The following XKR9 variants were observed in gnomAD, a reference collection of about 807,000 sequenced individuals.
The protein encoded by XKR9 is XK-related protein 9.
In XKR9, 32 loss-of-function variants were observed where a neutral mutation model predicts 32.0. The ratio of observed to expected loss-of-function variants is 1.00; its 90% CI spans 0.76 to 1.34. The LOEUF (loss-of-function observed/expected upper bound fraction) is 1.34, where lower values mean the gene tolerates loss of function less well. Ranked by LOEUF, XKR9 falls within the 40% of genes most tolerant of loss-of-function variation. The pLI is 0.00. For missense variants in XKR9, 546 were observed against 429.7 expected, an observed-to-expected ratio of 1.27 and a Z score of -2.39; for synonymous variants, 168 against 143.4, an observed-to-expected ratio of 1.17 and a Z score of -1.22.
chr8:70,916,503 T>C, the XKR9 span, among the ~76,000 whole-genome samples: 1 of 152,226 alleles, frequency 6.6e-6, no homozygotes, highest in Non-Finnish European at 1.5e-5. Flanking sequence ...CCTGGGAATA[T>C]TGGGTGTTCT....
chr8:71,003,807 T>C, the XKR9 span, among the ~76,000 whole-genome samples: 2 of 152,212 alleles, frequency 1.3e-5, no homozygotes, highest in Non-Finnish European at 2.9e-5. Context: ...GTGATTGATA[T>C]CTACTGGTTC....
the XKR9 span, among the ~76,000 whole-genome samples, chr8:70,825,940 C>T: frequency 2.0e-5 from 3 of 151,988 alleles, no homozygotes; most frequent in Non-Finnish European, 4.4e-5. Flanking sequence ...CAGAATGGTC[C>T]AATTTCCTCT....
At chr8:70,858,460 T>C in the XKR9 span, among the ~76,000 whole-genome samples, 1 of 151,194 alleles carries the variant, frequency 6.6e-6, no homozygotes, top group Non-Finnish European at 1.5e-5. Context: ...CTCAATGAAA[T>C]AAAAGAGGAT....
chr8:70,707,961 G>A (rs956964612), intron 4 of XKR9, among the ~76,000 whole-genome samples: 5 of 151,800 alleles, frequency 3.3e-5, no homozygotes, highest in South Asian at 2.1e-4. Flanking sequence ...ATTTAGTTTC[G>A]GATTTATTTC....
the XKR9 span, among the ~76,000 whole-genome samples, chr8:70,943,538 T>A: frequency 6.6e-6 from 1 of 152,136 alleles, no homozygotes; most frequent in African/African-American, 2.4e-5. Context: ...CACACTCACA[T>A]ATTTCAGTTT....
the XKR9 span, among the ~76,000 whole-genome samples, chr8:70,885,182 A>C: frequency 5.7e-4 from 86 of 152,118 alleles, no homozygotes; most frequent in Non-Finnish European, 5.6e-4. Flanking sequence ...ATTATTTAAA[A>C]ATTGCTGGTA....
At chr8:70,926,489 C>T in the XKR9 span, among the ~76,000 whole-genome samples, 3 of 152,194 alleles carry the variant, frequency 2.0e-5, no homozygotes, top group Non-Finnish European at 4.4e-5. Context: ...CACCCAACCA[C>T]TGAATACTTC....
the XKR9 span, among the ~76,000 whole-genome samples, chr8:70,960,325 C>G: frequency 3.4e-4 from 51 of 152,148 alleles, no homozygotes; most frequent in Non-Finnish European, 6.0e-4. Flanking sequence ...TCTATTTTCC[C>G]TTCTACAAAT....
At chr8:71,055,512 T>G in the XKR9 span, among the ~76,000 whole-genome samples, 1 of 152,182 alleles carries the variant, frequency 6.6e-6, no homozygotes, top group Non-Finnish European at 1.5e-5. Flanking sequence ...ATCAAGAGAT[T>G]AATGAGAAAA....
At chr8:70,765,684 C>T (rs1807365844) in intron 2 of XKR9, among the ~76,000 whole-genome samples, 1 of 152,154 alleles carries the variant, frequency 6.6e-6, no homozygotes. Flanking sequence ...GTTGCCTATG[C>T]CTATGTCCTG....
chr8:70,681,113 G>T lies in XKR9; in HGVS notation c.55G>T (p.Val19Leu). Residue 19 changes from valine to leucine, a missense_variant, in exon 3 of 5, where the codon GTA becomes TTA. Physicochemically the swap from Val to Leu is conservative, Grantham distance 32. Coordinates refer to ENST00000408926, the MANE Select transcript of XKR9 (RefSeq NM_001011720.2). ...GTCAGTTCTTGGCATTATAATCTAC[G>T]TAACTGATTTAATTGTGGACATATG... ...MMSVLGIIIY[V>L]TDLIVDIWVS... The T allele has an allele frequency of 1.2e-6, 2 of 1,613,232 alleles. No homozygotes were observed. The highest frequency in any genetic ancestry group is 1.7e-6 in the Non-Finnish European group (2 of 1,179,424).
chr8:70,904,172 C>T, the XKR9 span, among the ~76,000 whole-genome samples: 4 of 152,140 alleles, frequency 2.6e-5, no homozygotes, highest in African/African-American at 9.7e-5. Flanking sequence ...CCTGGATATC[C>T]TTGTTAACTT....
At chr8:71,033,622 G>A in the XKR9 span, among the ~76,000 whole-genome samples, 1 of 152,290 alleles carries the variant, frequency 6.6e-6, no homozygotes, top group South Asian at 2.1e-4. Flanking sequence ...CTGAGGTGGT[G>A]AGTGAGTTGT....
chr8:70,869,149 A>T, the XKR9 span, among the ~76,000 whole-genome samples: 1 of 152,188 alleles, frequency 6.6e-6, no homozygotes, highest in Admixed American at 6.5e-5. Flanking sequence ...AGCCCTCCAA[A>T]TGGTTCCAAG....
chr8:70,995,911 C>T, the XKR9 span, among the ~76,000 whole-genome samples: 42 of 152,318 alleles, frequency 2.8e-4, no homozygotes, highest in African/African-American at 1.0e-3. Flanking sequence ...ACCACTTTCT[C>T]ACTATGCCAG....
chr8:70,883,026 A>G, the XKR9 span, among the ~76,000 whole-genome samples: 1 of 151,836 alleles, frequency 6.6e-6, no homozygotes, highest in Admixed American at 6.6e-5. Flanking sequence ...GTTTTTGGTT[A>G]CATGGATGAG....
chr8:70,847,324 T>A, the XKR9 span, among the ~76,000 whole-genome samples: 1 of 151,998 alleles, frequency 6.6e-6, no homozygotes, highest in East Asian at 1.9e-4. Flanking sequence ...TGCCAAAACC[T>A]ATGGGATACA....
At chr8:70,947,846 C>A in the XKR9 span, among the ~76,000 whole-genome samples, 1 of 152,122 alleles carries the variant, frequency 6.6e-6, no homozygotes, top group East Asian at 1.9e-4. Context: ...GTATTTGATT[C>A]TCTTCTTATT....
the XKR9 span, among the ~76,000 whole-genome samples, chr8:70,977,402 T>C: frequency 6.6e-6 from 1 of 152,234 alleles, no homozygotes; most frequent in Admixed American, 6.5e-5. Flanking sequence ...TGAATTTCCC[T>C]CTACACAATG....
Sources: gnomAD v4.1 joint callset for allele counts (sites outside exome capture counted in the v4.1 genomes callset) on GRCh38, gnomAD v4.1.1 for gene constraint, MANE v1.5 for transcripts, NCBI Gene and HGNC (gene_info 2026-07-23, HGNC 2026-07-21) for gene names.